The following RTTN variants were observed in gnomAD, a reference collection of about 807,000 sequenced individuals.
RTTN encodes rotatin.
In RTTN, 182 loss-of-function variants were observed where a neutral mutation model predicts 269.2. That is an observed-to-expected ratio of 0.68 (90% CI 0.60 to 0.76). RTTN has a LOEUF of 0.76. Among genes scored for constraint, RTTN ranks in the 30% least tolerant of loss-of-function variants. The probability of loss-of-function intolerance (pLI) is 0.00; values close to 1 mark genes in which losing one functional copy is unlikely to be tolerated. For synonymous variants in RTTN, 1,006 were observed against 963.5 expected (o/e 1.04, Z -0.82); for missense variants, 2,545 against 2,608.6 (o/e 0.98, Z 0.53).
intron 20 of RTTN, 152 bp downstream of exon 20, chr18:70,139,948 T>G (rs928771636): frequency 7.6e-6 from 5 of 660,824 alleles, no homozygotes; most frequent in East Asian, 2.8e-5. Context: ...GAGACTCCAC[T>G]TTTCGAATTT....
At chr18:70,033,699 T>C (rs1186747843) in intron 40 of RTTN, among the ~76,000 whole-genome samples, 1 of 151,430 alleles carries the variant, frequency 6.6e-6, no homozygotes, top group Non-Finnish European at 1.5e-5. Flanking sequence ...CCAAAGCTAG[T>C]AGAACACAAG....
At chr18:70,033,950 A>G (rs2057095189) in intron 40 of RTTN, among the ~76,000 whole-genome samples, 1 of 152,144 alleles carries the variant, frequency 6.6e-6, no homozygotes. Context: ...CACACAAACT[A>G]AAAATCTAGA....
rs553748029 is a variant in RTTN, at chr18:70,201,361, G to A, written c.487+533C>T. Among the ~76,000 whole-genome samples the A allele has an allele frequency of 2.0e-5, 3 of 152,194 alleles. No homozygotes were observed. The East Asian group carries it at 5.8e-4, about 29-fold the overall frequency. ...CTCACGCCTGTAATCCCAGCACTTT[G>A]GGAGGCCGAGGCGGGCGGATCACGA... On this transcript the variant is annotated intron_variant, in intron 4 of 48. Transcript: ENST00000640769.
chr18:70,165,253 T>C (rs953040640), intron 14 of RTTN, among the ~76,000 whole-genome samples: 2 of 151,782 alleles, frequency 1.3e-5, no homozygotes, highest in Admixed American at 6.6e-5. Flanking sequence ...AATCCTGCTA[T>C]ATATACTAAT....
chr18:70,139,797 C>G, intron 20 of RTTN, 81 bp from the exon 21 acceptor site: 1 of 837,668 alleles, frequency 1.2e-6, no homozygotes, highest in Admixed American at 2.4e-5. Flanking sequence ...TTATCTTACT[C>G]TAAATTTTAT....
intron 10 of RTTN, among the ~76,000 whole-genome samples, chr18:70,180,505 C>A (rs945581194): frequency 9.2e-5 from 14 of 151,834 alleles, no homozygotes; most frequent in African/African-American, 3.1e-4. Context: ...TTGCTTCAAT[C>A]CAGGAGGCGG....
At chr18:70,079,055 A>C (rs1381112353) in intron 32 of RTTN, among the ~76,000 whole-genome samples, 1 of 152,088 alleles carries the variant, frequency 6.6e-6, no homozygotes, top group East Asian at 1.9e-4. Context: ...TTAGGTACTA[A>C]AGTAGTGTAT....
chr18:70,151,868 A>G (rs953460667), intron 14 of RTTN, among the ~76,000 whole-genome samples: 1 of 152,034 alleles, frequency 6.6e-6, no homozygotes, highest in African/African-American at 2.4e-5. Context: ...TCTCCTCTTG[A>G]TAACAATTCA....
rs747868444 is a variant in RTTN at position 70,092,718 on chromosome 18, C to T, written c.3990G>A (p.Leu1330=). 1 of 1,613,624 alleles carries T rather than the reference C, an allele frequency of 6.2e-7. No homozygotes were observed. Among genetic ancestry groups the T allele is most frequent in the African/African-American group, 1.3e-5 (1 of 75,034 alleles). The change falls in exon 29 of 49, where the codon TTG becomes TTA. Residue 1330 remains leucine (L), a synonymous_variant. Transcript: ENST00000640769. ...KGVTKSTILC[L]LHLSHEMMAQ... ...CCATCATCTCATGGGATAAGTGAAG[C>T]AAGCAAAGAATTGTGCTCTTTGTAA...
intron 40 of RTTN, among the ~76,000 whole-genome samples, chr18:70,035,206 A>C (rs1599200668): frequency 6.6e-6 from 1 of 152,236 alleles, no homozygotes; most frequent in Non-Finnish European, 1.5e-5. Flanking sequence ...TAGAACTAGA[A>C]AAAACTTTTA....
intron 23 of RTTN, chr18:70,131,239 A>G (rs974722974): frequency 1.3e-5 from 2 of 151,556 alleles, no homozygotes; most frequent in East Asian, 3.9e-4. Flanking sequence ...TCTCAGATGG[A>G]GGCAGAAAAA....
intron 19 of RTTN, among the ~76,000 whole-genome samples, chr18:70,141,945 G>C (rs1190829211): frequency 6.6e-6 from 1 of 152,114 alleles, no homozygotes; most frequent in African/African-American, 2.4e-5. Flanking sequence ...ACTATTGGAA[G>C]TACACTAATA....
chr18:70,148,602 C>T (rs1425392217), intron 17 of RTTN, among the ~76,000 whole-genome samples: 1 of 152,050 alleles, frequency 6.6e-6, no homozygotes, highest in African/African-American at 2.4e-5. Context: ...TAATTTTTAC[C>T]ATCTATTTAT....
intron 40 of RTTN, among the ~76,000 whole-genome samples, chr18:70,045,040 G>C (rs549247183): frequency 1.3e-5 from 2 of 152,222 alleles, no homozygotes; most frequent in East Asian, 3.9e-4. Flanking sequence ...AGTATTTTAT[G>C]GACAAAAGAC....
Position 70,017,761 on chromosome 18 carries a change from G to C in RTTN, c.6154-87C>G, listed in dbSNP as rs542049639. On this transcript the variant is annotated intron_variant, in intron 45 of 48. Transcript: ENST00000640769. ...TTGGTGACCAATTAACTAACATTCT[G>C]ATATACTCTCCCTCTACATTAATTT... 19 of 1,001,772 alleles carry C rather than the reference G, an allele frequency of 1.9e-5. No homozygotes were observed. The South Asian group carries it at 2.9e-4, about 15-fold the overall frequency. 62.1% of individuals were successfully genotyped at this position (1,001,772 alleles called of 1,614,324 possible).
chr18:70,093,097 G>A (rs140593539), intron 28 of RTTN, among the ~76,000 whole-genome samples: 16 of 152,256 alleles, frequency 1.1e-4, no homozygotes, highest in East Asian at 3.9e-4. Context: ...CCCAGCTACC[G>A]GGGAAGCTGA....
At chr18:70,137,388 A>G (rs41390045) in intron 21 of RTTN, among the ~76,000 whole-genome samples, 4,293 of 152,286 alleles carry the variant, frequency 0.028, 224 homozygotes, top group African/African-American at 0.098. Flanking sequence ...CATAAAGTTT[A>G]TAATTCAAAG....
At chr18:70,134,781 G>A (rs559887361) in intron 22 of RTTN, among the ~76,000 whole-genome samples, 1 of 152,208 alleles carries the variant, frequency 6.6e-6, no homozygotes, top group East Asian at 1.9e-4. Context: ...GGTGGGACTA[G>A]CAGGTGGACT....
At chr18:70,024,312 T>C (rs370889507) in intron 44 of RTTN, among the ~76,000 whole-genome samples, 31 of 152,330 alleles carry the variant, frequency 2.0e-4, no homozygotes, top group African/African-American at 6.7e-4. Flanking sequence ...AGAGGAGCCC[T>C]AGTGATATCA....
Sources: gnomAD v4.1 joint callset for allele counts (sites outside exome capture counted in the v4.1 genomes callset) on GRCh38, gnomAD v4.1.1 for gene constraint, MANE v1.5 for transcripts, NCBI Gene and HGNC (gene_info 2026-07-23, HGNC 2026-07-21) for gene names.